Variants in PSD3 observed in about 807,000 individuals in gnomAD.
PSD3 encodes pleckstrin and Sec7 domain containing 3.
Under a neutral mutation model 105.5 loss-of-function variants are expected in PSD3, and 49 were observed. The ratio of observed to expected loss-of-function variants is 0.46; its 90% CI spans 0.37 to 0.59. The LOEUF (loss-of-function observed/expected upper bound fraction) is 0.59, where lower values mean the gene tolerates loss of function less well. Among genes scored for constraint, PSD3 ranks in the 20% least tolerant of loss-of-function variants. PSD3 has a pLI of 0.00. For synonymous variants in PSD3, 557 were observed against 457.8 expected (o/e 1.22, Z -2.77); for missense variants, 1,561 against 1,263.8 (o/e 1.24, Z -3.57).
At chr8:18,894,375 T>C (rs1383546554) in intron 2 of PSD3, among the ~76,000 whole-genome samples, 2 of 152,186 alleles carry the variant, frequency 1.3e-5, no homozygotes, top group African/African-American at 2.4e-5. Flanking sequence ...TCTACATCAA[T>C]AATTCCATAG....
In PSD3 at chr8:18,883,189, TACA is replaced by T. The variant is rs1167173582; in HGVS notation, c.131-10459_131-10457del. Among the ~76,000 whole-genome samples, 9 of 152,144 alleles carry T rather than the reference TACA, an allele frequency of 5.9e-5. No individual in the cohort carries two copies. The South Asian group carries it at 6.2e-4, about 11-fold the overall frequency. On this transcript the variant is annotated intron_variant, in intron 2 of 15. Coordinates refer to ENST00000327040, the MANE Select transcript of PSD3 (RefSeq NM_015310.4). ...GATGAGAAACACACCTCCAGAAAAC[TACA>T]ACAATATCTACAAGTCATTCTGATT... is the stretch of plus-strand genomic sequence containing the variant.
intron 1 of PSD3, among the ~76,000 whole-genome samples, chr8:18,946,500 G>C (rs1337899396): frequency 6.6e-6 from 1 of 152,148 alleles, no homozygotes; most frequent in South Asian, 2.1e-4. Context: ...AGAATCACTT[G>C]AGTCCAGAAG....
At chr8:18,842,836 T>C (rs7833694) in intron 4 of PSD3, among the ~76,000 whole-genome samples, 63,409 of 151,936 alleles carry the variant, frequency 0.42, 13,863 homozygotes, top group Middle Eastern at 0.5. Flanking sequence ...CAGGGATGAA[T>C]GCACTGATTA....
At chr8:18,772,204 TC>T (rs1330867451) in intron 8 of PSD3, among the ~76,000 whole-genome samples, 1 of 152,184 alleles carries the variant, frequency 6.6e-6, no homozygotes, top group Non-Finnish European at 1.5e-5. Flanking sequence ...TGGGCAAGTA[TC>T]TCTTCAAAAT....
chr8:18,923,488 A>G (rs1466498025), intron 2 of PSD3, among the ~76,000 whole-genome samples: 1 of 152,240 alleles, frequency 6.6e-6, no homozygotes, highest in Non-Finnish European at 1.5e-5. Flanking sequence ...CAATGACCAC[A>G]TATAGGACGC....
chr8:18,555,348 G>C (rs56084557), intron 15 of PSD3, among the ~76,000 whole-genome samples: 7 of 151,656 alleles, frequency 4.6e-5, no homozygotes, highest in Non-Finnish European at 1.0e-4. Flanking sequence ...ACAAAGGAGA[G>C]GAACAATGAG....
chr8:19,003,244 C>G (rs1031301031), intron 1 of PSD3, among the ~76,000 whole-genome samples: 2 of 151,838 alleles, frequency 1.3e-5, no homozygotes, highest in African/African-American at 4.8e-5. Context: ...ACAATGGCAC[C>G]CCTGTAGTTC....
intron 6 of PSD3, among the ~76,000 whole-genome samples, chr8:18,802,679 C>T (rs1209043930): frequency 1.3e-5 from 2 of 152,172 alleles, no homozygotes; most frequent in Non-Finnish European, 2.9e-5. Context: ...ATCCTCCCTT[C>T]ACCTCCCAGA....
At chr8:18,566,137 T>C (rs1237070174) in intron 14 of PSD3, among the ~76,000 whole-genome samples, 1 of 152,066 alleles carries the variant, frequency 6.6e-6, no homozygotes, top group African/African-American at 2.4e-5. Context: ...TCCAAATACA[T>C]GCTTAATTTT....
chr8:18,724,756 CA>C (rs1297325662), intron 9 of PSD3, among the ~76,000 whole-genome samples: 1 of 151,958 alleles, frequency 6.6e-6, no homozygotes, highest in African/African-American at 2.4e-5. Flanking sequence ...GATTCAAGAA[CA>C]AATAAGCTTA....
chr8:18,577,894 C>T (rs940651073), intron 12 of PSD3, among the ~76,000 whole-genome samples: 8 of 152,022 alleles, frequency 5.3e-5, no homozygotes, highest in Non-Finnish European at 8.8e-5. Context: ...CTTGACCTCT[C>T]TCCTCTCATA....
At chr8:18,922,937 A>T (rs1251503431) in intron 2 of PSD3, among the ~76,000 whole-genome samples, 1 of 152,320 alleles carries the variant, frequency 6.6e-6, no homozygotes, top group African/African-American at 2.4e-5. Context: ...TTCGTCTTTC[A>T]GGGAGCTCTG....
At position 18,535,293 on chromosome 8, in the gene PSD3, C is replaced by A; in HGVS notation, c.*450G>T. ...GCTCAATTCTACCTCTGTGACTGGG[C>A]AAGATTTCACATATAAAGGCGTATA... On this transcript the variant is annotated 3_prime_UTR_variant, in exon 16 of 16. Coordinates refer to ENST00000327040, the MANE Select transcript of PSD3 (RefSeq NM_015310.4). 5.9e-6 allele frequency: 1 copy of A among 170,918 alleles called. No individual in the cohort carries two copies. The highest frequency in any genetic ancestry group is 1.6e-4 in the East Asian group (1 of 6,346). The allele number at this position is 170,918 out of a possible 1,614,324, so 10.6% of individuals were successfully genotyped here.
chr8:18,951,843 G>A (rs1823254234), intron 1 of PSD3, among the ~76,000 whole-genome samples: 1 of 152,088 alleles, frequency 6.6e-6, no homozygotes, highest in Middle Eastern at 3.4e-3. Context: ...AAAATTAGCT[G>A]GTGTGGTGGT....
At chr8:18,781,360 A>G (rs540522207) in intron 8 of PSD3, among the ~76,000 whole-genome samples, 5 of 152,328 alleles carry the variant, frequency 3.3e-5, no homozygotes, top group African/African-American at 9.6e-5. Context: ...TCTTGGGAGT[A>G]AAGGCACAGG....
intron 1 of PSD3, among the ~76,000 whole-genome samples, chr8:18,960,705 A>C (rs967368565): frequency 2.7e-4 from 41 of 152,304 alleles, no homozygotes; most frequent in Middle Eastern, 3.4e-3. Flanking sequence ...TAACGAAGAC[A>C]ATTTAAAGAG....
At chr8:18,793,128 G>T (rs1475955034) in intron 8 of PSD3, among the ~76,000 whole-genome samples, 1 of 152,060 alleles carries the variant, frequency 6.6e-6, no homozygotes, top group Non-Finnish European at 1.5e-5. Context: ...TGAACAATGA[G>T]AACACTTGGA....
At chr8:18,717,344 T>C (rs968293058) in intron 9 of PSD3, among the ~76,000 whole-genome samples, 3 of 152,198 alleles carry the variant, frequency 2.0e-5, no homozygotes, top group Admixed American at 6.5e-5. Flanking sequence ...TGTTCCAGAA[T>C]GGGAGTGAGG....
At chr8:18,968,476 G>A (rs1384930503) in intron 1 of PSD3, among the ~76,000 whole-genome samples, 1 of 152,146 alleles carries the variant, frequency 6.6e-6, no homozygotes, top group Non-Finnish European at 1.5e-5. Flanking sequence ...AACCTTCGAC[G>A]CCAGTTTTCA....
Sources: gnomAD v4.1 joint callset for allele counts (sites outside exome capture counted in the v4.1 genomes callset) on GRCh38, gnomAD v4.1.1 for gene constraint, MANE v1.5 for transcripts, NCBI Gene and HGNC (gene_info 2026-07-23, HGNC 2026-07-21) for gene names.